DAB1: variants seen among roughly 807,000 people sequenced by gnomAD.
DAB1 encodes disabled homolog 1.
A neutral mutation model predicts 64.6 loss-of-function variants in DAB1; 15 were observed. The ratio of observed to expected loss-of-function variants is 0.23; its 90% CI spans 0.16 to 0.36. The LOEUF (loss-of-function observed/expected upper bound fraction) is 0.36, where lower values mean the gene tolerates loss of function less well. Ranked by LOEUF, DAB1 falls within the 10% of genes least tolerant of loss-of-function variation. DAB1 has a pLI of 1.00. For missense variants in DAB1, 596 were observed against 706.7 expected (o/e 0.84, Z 1.78); for synonymous variants, 235 against 251.9 (o/e 0.93, Z 0.64).
intron 7 of DAB1, among the ~76,000 whole-genome samples, chr1:57,544,751 T>C (rs1000508841): frequency 6.6e-6 from 1 of 152,188 alleles, no homozygotes; most frequent in Admixed American, 6.5e-5. Context: ...GTGAGTGAGT[T>C]CTCACAAGAC....
At chr1:57,145,801 C>T (rs915194895) in intron 2 of DAB1, among the ~76,000 whole-genome samples, 10 of 152,078 alleles carry the variant, frequency 6.6e-5, no homozygotes, top group Non-Finnish European at 1.3e-4. Context: ...AGTTCATGTC[C>T]GAAATTGTTG....
chr1:58,201,876 T>G (rs559305271), intron 4 of DAB1, among the ~76,000 whole-genome samples: 3 of 152,294 alleles, frequency 2.0e-5, no homozygotes, highest in African/African-American at 7.2e-5. Flanking sequence ...AGGAGTGACT[T>G]GATGTACAGG....
chr1:58,477,853 C>T (rs993317622), intron 3 of DAB1, among the ~76,000 whole-genome samples: 3 of 152,106 alleles, frequency 2.0e-5, no homozygotes, highest in Non-Finnish European at 2.9e-5. Context: ...GTGTTGGTTC[C>T]TCTGTTCTTA....
chr1:58,301,720 A>G (rs950854157), intron 4 of DAB1, among the ~76,000 whole-genome samples: 4 of 152,066 alleles, frequency 2.6e-5, no homozygotes, highest in African/African-American at 9.7e-5. Flanking sequence ...AGGGATTACT[A>G]TTCTTTTTGA....
intron 7 of DAB1, among the ~76,000 whole-genome samples, chr1:57,574,501 A>G (rs6587781): frequency 0.44 from 66,409 of 152,056 alleles, 16,282 homozygotes; most frequent in Non-Finnish European, 0.54. Context: ...AGTAACTTCA[A>G]AGTAATTAAG....
At chr1:58,056,652 C>T (rs1015116597) in intron 5 of DAB1, among the ~76,000 whole-genome samples, 9 of 152,182 alleles carry the variant, frequency 5.9e-5, no homozygotes, top group Non-Finnish European at 1.2e-4. Context: ...CTTCAGGCTT[C>T]CTCACTCAGC....
chr1:57,557,324 C>T lies in DAB1; in HGVS notation n.625+92268G>A, dbSNP rs117619993. Among the ~76,000 whole-genome samples, 1,400 of 152,240 alleles carry T rather than the reference C, an allele frequency of 9.2e-3. 40 individuals are homozygous for T. Among genetic ancestry groups the T allele is most frequent in the Admixed American group, 0.045 (689 of 15,288 alleles). On this transcript the variant is annotated intron_variant and non_coding_transcript_variant, in intron 7 of 20. Transcript: ENST00000485760. ...CTCCAAGTTCTACAGTTTTGGAACT[C>T]GGACTGGCTCTCCTTGCTTCTCACC...
intron 3 of DAB1, among the ~76,000 whole-genome samples, chr1:58,451,556 G>T (rs949188765): frequency 2.0e-5 from 3 of 152,222 alleles, no homozygotes; most frequent in African/African-American, 7.2e-5. Context: ...TCATGATAAT[G>T]TAAGATGTGA....
At chr1:57,807,743 G>A (rs1336775073) in intron 6 of DAB1, among the ~76,000 whole-genome samples, 2 of 151,532 alleles carry the variant, frequency 1.3e-5, no homozygotes, top group Non-Finnish European at 2.9e-5. Context: ...TGCCTTTAAC[G>A]TCCTTCATCT....
chr1:58,219,378 T>C (rs904036847), intron 4 of DAB1, among the ~76,000 whole-genome samples: 1 of 152,164 alleles, frequency 6.6e-6, no homozygotes, highest in African/African-American at 2.4e-5. Context: ...AGCTTCATCC[T>C]TGACAAGCAC....
At chr1:57,340,683 T>C (rs1677501246) in intron 1 of DAB1, among the ~76,000 whole-genome samples, 1 of 152,238 alleles carries the variant, frequency 6.6e-6, no homozygotes, top group South Asian at 2.1e-4. Flanking sequence ...GTCTTGTGCC[T>C]GGCCTCAAAG....
At chr1:57,152,210 GA>G (rs1659752629) in intron 2 of DAB1, among the ~76,000 whole-genome samples, 3 of 152,168 alleles carry the variant, frequency 2.0e-5, no homozygotes, top group African/African-American at 4.8e-5. Context: ...GGCAGGTCAG[GA>G]GTGCCAGTGC....
intron 3 of DAB1, among the ~76,000 whole-genome samples, chr1:58,414,491 A>C (rs1186851771): frequency 6.6e-6 from 1 of 152,216 alleles, no homozygotes; most frequent in African/African-American, 2.4e-5. Flanking sequence ...TTTAGTGTTT[A>C]TTTCTCCATT....
chr1:57,804,701 C>T (rs1181318496), intron 6 of DAB1, among the ~76,000 whole-genome samples: 1 of 152,216 alleles, frequency 6.6e-6, no homozygotes, highest in Non-Finnish European at 1.5e-5. Context: ...AGAGTTAACA[C>T]TGCTGACCTA....
At chr1:57,164,931 T>C (rs66665045) in intron 2 of DAB1, among the ~76,000 whole-genome samples, 18,943 of 152,220 alleles carry the variant, frequency 0.12, 1,569 homozygotes, top group African/African-American at 0.23. Context: ...AGTTTCTGTA[T>C]ATCTGGTGGC....
intron 3 of DAB1, among the ~76,000 whole-genome samples, chr1:57,139,489 A>G (rs994813109): frequency 1.3e-5 from 2 of 152,176 alleles, no homozygotes; most frequent in African/African-American, 4.8e-5. Flanking sequence ...CAGCAGCACA[A>G]ACGGACTAAG....
intron 4 of DAB1, among the ~76,000 whole-genome samples, chr1:58,269,477 G>A (rs1255542507): frequency 3.3e-5 from 5 of 150,108 alleles, no homozygotes; most frequent in Admixed American, 1.3e-4. Context: ...ATAAACATAC[G>A]TCTTTATAGC....
chr1:57,035,953 CT>C (rs955363177), intron 9 of DAB1, among the ~76,000 whole-genome samples: 7 of 147,330 alleles, frequency 4.8e-5, no homozygotes, highest in African/African-American at 1.8e-4. Flanking sequence ...AGTGATTCTC[CT>C]GCCTCAGCCT....
chr1:57,643,776 G>A (rs1646159050), intron 7 of DAB1, among the ~76,000 whole-genome samples: 1 of 152,150 alleles, frequency 6.6e-6, no homozygotes, highest in African/African-American at 2.4e-5. Flanking sequence ...GGTCACAATT[G>A]GAACTTCCCT....
Sources: gnomAD v4.1 joint callset for allele counts (sites outside exome capture counted in the v4.1 genomes callset) on GRCh38, gnomAD v4.1.1 for gene constraint, MANE v1.5 for transcripts, NCBI Gene and HGNC (gene_info 2026-07-23, HGNC 2026-07-21) for gene names.